ENOX1: variants seen among roughly 807,000 people sequenced by gnomAD.
The protein encoded by ENOX1 is ecto-NOX disulfide-thiol exchanger 1.
Under a neutral mutation model 82.5 loss-of-function variants are expected in ENOX1, and 42 were observed. The observed-to-expected ratio is 0.51, with a 90% CI of 0.40 to 0.66. ENOX1 has a LOEUF of 0.66. Ranked by LOEUF, ENOX1 falls within the 30% of genes least tolerant of loss-of-function variation. The probability of loss-of-function intolerance (pLI) is 0.00; values close to 1 mark genes in which losing one functional copy is unlikely to be tolerated. For missense variants in ENOX1, 608 were observed against 811.6 expected, an observed-to-expected ratio of 0.75 and a Z score of 3.05; for synonymous variants, 271 against 282.2, an observed-to-expected ratio of 0.96 and a Z score of 0.40.
chr13:43,505,669 A>T (rs1409577082), intron 2 of ENOX1, among the ~76,000 whole-genome samples: 1 of 152,058 alleles, frequency 6.6e-6, no homozygotes, highest in Non-Finnish European at 1.5e-5. Context: ...TCAGATGAGT[A>T]TGTTGCAAAA....
chr13:43,616,056 G>A (rs139831627), intron 2 of ENOX1, among the ~76,000 whole-genome samples: 1,531 of 88,606 alleles, frequency 0.017, 38 homozygotes, highest in Middle Eastern at 0.055. Flanking sequence ...ATAAACATAC[G>A]TGTGCTTGTG....
intron 5 of ENOX1, among the ~76,000 whole-genome samples, chr13:43,367,688 T>G (rs1439840476): frequency 7.2e-6 from 1 of 139,816 alleles, no homozygotes. Flanking sequence ...TCACCCAGTG[T>G]GTGGTACTTT....
intron 2 of ENOX1, among the ~76,000 whole-genome samples, chr13:43,614,920 G>A (rs2082343755): frequency 1.3e-5 from 2 of 152,076 alleles, no homozygotes; most frequent in Admixed American, 6.6e-5. Flanking sequence ...CAGAACTACT[G>A]AATCAGAACA....
chr13:43,470,377 C>CACATATATATGTATATATATAT (rs1555290142), intron 3 of ENOX1, among the ~76,000 whole-genome samples: 1 of 27,038 alleles, frequency 3.7e-5, no homozygotes, highest in Non-Finnish European at 7.1e-5. Context: ...TATATATATA[C>CACATATATATGTATATATATAT]ATATATATAC....
At chr13:43,291,958 C>T (rs570156980) in intron 12 of ENOX1, among the ~76,000 whole-genome samples, 30 of 152,198 alleles carry the variant, frequency 2.0e-4, no homozygotes, top group Admixed American at 5.9e-4. Context: ...GAGAAAGACT[C>T]GGCCACGCAG....
chr13:43,435,294 G>T (rs2055951961), intron 3 of ENOX1, among the ~76,000 whole-genome samples: 1 of 152,166 alleles, frequency 6.6e-6, no homozygotes, highest in African/African-American at 2.4e-5. Flanking sequence ...GCATTAAGGG[G>T]TAGTGTGGCC....
chr13:43,295,656 C>A (rs977460957), intron 12 of ENOX1, among the ~76,000 whole-genome samples: 6 of 152,084 alleles, frequency 3.9e-5, no homozygotes, highest in Admixed American at 3.3e-4. Flanking sequence ...GGGAGGCTGA[C>A]CCCTCCTCTC....
intron 1 of ENOX1, among the ~76,000 whole-genome samples, chr13:43,772,689 C>T (rs1037672797): frequency 1.4e-5 from 2 of 145,266 alleles, no homozygotes; most frequent in Admixed American, 7.1e-5. Flanking sequence ...GCAGAGGTTG[C>T]AGTGAGCTGA....
At chr13:43,378,474 C>G (rs1355147290) in intron 5 of ENOX1, among the ~76,000 whole-genome samples, 1 of 152,086 alleles carries the variant, frequency 6.6e-6, no homozygotes, top group Non-Finnish European at 1.5e-5. Context: ...GAAAGAAACA[C>G]CCAAAAGGTT....
intron 1 of ENOX1, among the ~76,000 whole-genome samples, chr13:43,747,616 G>A (rs1950093993): frequency 1.3e-5 from 2 of 152,200 alleles, no homozygotes; most frequent in Admixed American, 1.3e-4. Flanking sequence ...GCCTTCCTCA[G>A]GCCCAGGCAG....
intron 5 of ENOX1, among the ~76,000 whole-genome samples, chr13:43,398,908 G>A (rs150086164): frequency 0.023 from 3,385 of 150,292 alleles, 132 homozygotes; most frequent in African/African-American, 0.077. Context: ...TGATTCACCT[G>A]CCTCAGCCTC....
chr13:43,382,914 G>A (rs1298539363), intron 5 of ENOX1, among the ~76,000 whole-genome samples: 4 of 152,132 alleles, frequency 2.6e-5, no homozygotes, highest in East Asian at 3.9e-4. Flanking sequence ...CATGATAGGA[G>A]GGCATGGTTG....
At chr13:43,699,604 T>C (rs2086812310) in intron 1 of ENOX1, among the ~76,000 whole-genome samples, 1 of 152,232 alleles carries the variant, frequency 6.6e-6, no homozygotes, top group Admixed American at 6.5e-5. Context: ...TTTCAAATGC[T>C]ACTAGGTTTG....
chr13:43,680,236 A>T (rs964858625), intron 1 of ENOX1, among the ~76,000 whole-genome samples: 6 of 152,214 alleles, frequency 3.9e-5, no homozygotes, highest in Admixed American at 1.3e-4. Flanking sequence ...AAACTTCTAA[A>T]TTAAAAGAAG....
At chr13:43,449,898 T>C (rs952996127) in intron 3 of ENOX1, among the ~76,000 whole-genome samples, 2 of 152,312 alleles carry the variant, frequency 1.3e-5, no homozygotes, top group Middle Eastern at 3.4e-3. Context: ...ATATATACCA[T>C]ATTAAGAGGC....
intron 2 of ENOX1, among the ~76,000 whole-genome samples, chr13:43,599,394 T>C (rs1293764232): frequency 6.6e-6 from 1 of 151,890 alleles, no homozygotes; most frequent in East Asian, 2.0e-4. Flanking sequence ...AGTGGGACTT[T>C]GCATTGAAAC....
At position 43,646,867 on chromosome 13, in the gene ENOX1, T is replaced by G. The variant is rs532141380; in HGVS notation, c.-219+20612A>C. Among the ~76,000 whole-genome samples, 77 of 152,338 alleles carry G rather than the reference T, an allele frequency of 5.1e-4. No individual in the cohort carries two copies. The South Asian group carries it at 0.016, about 31-fold the overall frequency. ...TACAGAGCACGTCTCAATAATCGTT[T>G]TATCCTTCTCCCACACTAGAGATGC... On this transcript the variant is annotated intron_variant, in intron 2 of 16. Coordinates refer to ENST00000690772, the MANE Select transcript of ENOX1 (RefSeq NM_001347969.2).
intron 9 of ENOX1, among the ~76,000 whole-genome samples, chr13:43,333,511 A>C (rs992703703): frequency 6.6e-6 from 1 of 152,208 alleles, no homozygotes; most frequent in Non-Finnish European, 1.5e-5. Context: ...GCAGGAGGAG[A>C]GACCTGGTTT....
intron 3 of ENOX1, among the ~76,000 whole-genome samples, chr13:43,469,841 G>A (rs1251543053): frequency 6.6e-6 from 1 of 151,832 alleles, no homozygotes; most frequent in Non-Finnish European, 1.5e-5. Flanking sequence ...AAAGAACAAA[G>A]ATGGAAGGCT....
Sources: allele counts gnomAD v4.1 joint callset (sites outside exome capture counted in the v4.1 genomes callset), GRCh38; gene constraint gnomAD v4.1.1; transcripts MANE v1.5; gene names NCBI Gene and HGNC (gene_info 2026-07-23, HGNC 2026-07-21).